Variants in DST observed in about 807,000 individuals in gnomAD.
DST encodes the protein dystonin.
DST carries 253 observed loss-of-function variants against 875.2 expected under a neutral mutation model. That is an observed-to-expected ratio of 0.29 (90% confidence interval 0.26 to 0.32). The LOEUF (loss-of-function observed/expected upper bound fraction) is 0.32. DST is among the 10% of genes least tolerant of loss of function. The pLI, the probability that DST is intolerant of heterozygous loss-of-function variation, is 1.00. For missense variants in DST, 8,287 were observed against 9,111.6 expected (o/e 0.91, Z 3.68); for synonymous variants, 3,124 against 3,197.1 (o/e 0.98, Z 0.77).
intron 2 of DST, among the ~76,000 whole-genome samples, chr6:56,902,909 C>T (rs1562345403): frequency 6.6e-6 from 1 of 151,544 alleles, no homozygotes. Context: ...TCCACCCACC[C>T]GCCCCCTCCA....
intron 49 of DST, among the ~76,000 whole-genome samples, chr6:56,589,865 T>C (rs574750365): frequency 2.2e-4 from 34 of 152,236 alleles, no homozygotes; most frequent in Non-Finnish European, 4.1e-4. Context: ...AATGAACAAA[T>C]TGGATGCCCC....
At position 56,600,182 on chromosome 6, in the gene DST, G is replaced by C. The variant is rs2152701416; in HGVS notation, c.11581C>G (p.Gln3861Glu). The C allele has an allele frequency of 1.2e-6, 2 of 1,612,686 alleles. No homozygotes were observed. The highest frequency in any genetic ancestry group is 1.7e-6 in the Non-Finnish European group (2 of 1,179,054). ...ERQQEYKEKL[Q>E]GICDLLTQTE... ...TGGGTAAGAAGATCACATATCCCTT[G>C]GAGTTTCTCTTTATACTCCTGCTGA... Residue 3861 changes from glutamine (Q) to glutamate (E), a missense_variant, in exon 45 of 104, where the codon CAA becomes GAA. Physicochemically the swap from Gln to Glu is conservative, Grantham distance 29 (BLOSUM62 2). This residue lies in a region of DST where 3,138 missense variants were observed against 3,116.6 expected (regional missense o/e 1.01). Coordinates refer to ENST00000680361, the MANE Select transcript of DST (RefSeq NM_001374736.1).
rs142514112 is a variant in DST at position 56,508,823 on chromosome 6, T to C, written c.19013-68A>G. 2.4e-5 allele frequency: 31 copies of C among 1,275,368 alleles called. No individual in the cohort carries two copies. In the African/African-American group the frequency reaches 3.6e-4, roughly 15 times the overall value. The allele number at this position is 1,275,368 out of a possible 1,614,324, so 79.0% of individuals were successfully genotyped here. A position where few individuals can be genotyped will look rare whatever the true frequency, so the allele number is the denominator to read the frequency against. ...ACGTAACCAACAAAGCAGAATGTTA[T>C]AGTTCACACAGAAAGTAGTGATCCA... On this transcript the variant is annotated intron_variant, in intron 74 of 103. Transcript: ENST00000680361.
chr6:56,611,446 G>T, intron 38 of DST, 62 bp downstream of exon 38: 2 of 1,169,168 alleles, frequency 1.7e-6, no homozygotes, highest in Non-Finnish European at 2.5e-6. Flanking sequence ...CCTCTGTTTT[G>T]CTGAAAGCTT....
chr6:56,876,734 C>A (rs1477379142), intron 3 of DST, among the ~76,000 whole-genome samples: 1 of 152,218 alleles, frequency 6.6e-6, no homozygotes, highest in Non-Finnish European at 1.5e-5. Context: ...CTAACATCAA[C>A]TGGGTTCTCA....
intron 4 of DST, among the ~76,000 whole-genome samples, chr6:56,804,747 A>T (rs1425663808): frequency 6.6e-6 from 1 of 152,174 alleles, no homozygotes; most frequent in African/African-American, 2.4e-5. Flanking sequence ...AATAATTATC[A>T]GTAATCCCTT....
intron 2 of DST, among the ~76,000 whole-genome samples, chr6:56,943,855 G>A (rs1459477971): frequency 1.3e-5 from 2 of 151,986 alleles, no homozygotes; most frequent in African/African-American, 4.8e-5. Context: ...AGTGGCTCAC[G>A]CATGTAATCC....
At chr6:56,616,994 T>C in intron 36 of DST, 1 of 1,609,778 alleles carries the variant, frequency 6.2e-7, no homozygotes, top group East Asian at 2.2e-5. Flanking sequence ...TATGATTCTC[T>C]CGGCCGCTGA....
At chr6:56,869,504 G>A (rs898381265) in intron 3 of DST, among the ~76,000 whole-genome samples, 1 of 151,880 alleles carries the variant, frequency 6.6e-6, no homozygotes, top group African/African-American at 2.4e-5. Context: ...ATAAAGCCAG[G>A]GAAGCATGAA....
chr6:56,643,015 T>C (rs1031844276), intron 15 of DST: 1 of 1,078,866 alleles, frequency 9.3e-7, no homozygotes, highest in Non-Finnish European at 1.3e-6. Flanking sequence ...TAGCTGAGGT[T>C]TGCCTTTTGT....
intron 44 of DST, among the ~76,000 whole-genome samples, chr6:56,600,661 T>C (rs992002662): frequency 6.6e-6 from 1 of 152,066 alleles, no homozygotes; most frequent in African/African-American, 2.4e-5. Flanking sequence ...CAAGAAATAA[T>C]AAAAGGAACA....
intron 2 of DST, among the ~76,000 whole-genome samples, chr6:56,927,366 C>T (rs1440131148): frequency 1.3e-5 from 2 of 152,046 alleles, no homozygotes; most frequent in African/African-American, 2.4e-5. Context: ...TGAATTTTTC[C>T]AGAGATTAGC....
In DST at chr6:56,460,118, G is replaced by C. The variant is rs1414041306; in HGVS notation, c.23194+13C>G. 6.2e-7 allele frequency: 1 copy of C among 1,602,338 alleles called. No homozygotes were observed. The highest frequency in any genetic ancestry group is 1.3e-5 in the African/African-American group (1 of 74,672). On this transcript the variant is annotated intron_variant, in intron 103 of 103. Transcript: ENST00000680361. ...TGCAAAAGCCATTGAAAAAAGAAAG[G>C]CACCACACTCACCAGCAAACTGTGT...
chr6:56,576,336 T>C (rs1325126524), intron 50 of DST, among the ~76,000 whole-genome samples: 4 of 152,202 alleles, frequency 2.6e-5, no homozygotes, highest in African/African-American at 4.8e-5. Flanking sequence ...TGAGTCACTC[T>C]AGCAATTAAT....
intron 23 of DST, among the ~76,000 whole-genome samples, chr6:56,635,919 C>T (rs2098819919): frequency 6.6e-6 from 1 of 152,022 alleles, no homozygotes; most frequent in African/African-American, 2.4e-5. Flanking sequence ...TACTAAGTGT[C>T]CAAAGCTTAT....
At chr6:56,481,304 T>C (rs2095393194) in intron 90 of DST, among the ~76,000 whole-genome samples, 1 of 152,340 alleles carries the variant, frequency 6.6e-6, no homozygotes, top group East Asian at 1.9e-4. Context: ...CAACACTACA[T>C]TGAGCGTTAC....
intron 7 of DST, among the ~76,000 whole-genome samples, 182 bp downstream of exon 7, chr6:56,703,461 ATAATT>A (rs2099319368): frequency 6.6e-6 from 1 of 152,198 alleles, no homozygotes. Context: ...CTCTCTGAAG[ATAATT>A]TAAAGAGAAA....
chr6:56,477,404 G>C lies in DST; in HGVS notation c.21616C>G (p.Pro7206Ala). 1 of 1,613,942 alleles carries C rather than the reference G, an allele frequency of 6.2e-7. No individual in the cohort carries two copies. Among genetic ancestry groups the C allele is most frequent in the South Asian group, 1.1e-5 (1 of 91,078 alleles). The change falls in exon 91 of 104, where the codon CCC (proline) becomes GCC (alanine). Residue 7206 changes from proline to alanine, a missense_variant. Around this residue, in one of 10 missense-constraint regions of DST, gnomAD observed 1,292 missense variants for 1,552.7 expected, o/e 0.83. Transcript: ENST00000680361. ...MGDTVLAICH[P>A]DSITTIKHWI... ...TGCTTAATGGTAGTGATGGAGTCGG[G>C]GTGGCAGATAGCCAAAACGGTGTCG...
intron 9 of DST, among the ~76,000 whole-genome samples, chr6:56,693,613 G>C (rs757570099): frequency 6.6e-6 from 1 of 152,200 alleles, no homozygotes; most frequent in Non-Finnish European, 1.5e-5. Context: ...AGAGATTTAG[G>C]AAAGTGCCCT....
Sources: gnomAD v4.1 joint callset for allele counts (sites outside exome capture counted in the v4.1 genomes callset) on GRCh38, gnomAD v4.1.1 for gene constraint, gnomAD v4.1.1 regional missense constraint, MANE v1.5 for transcripts, NCBI Gene and HGNC (gene_info 2026-07-23, HGNC 2026-07-21) for gene names.